The following WWC1 variants were observed in gnomAD, a reference collection of about 807,000 sequenced individuals.
The protein encoded by WWC1 is protein KIBRA.
WWC1 carries 55 observed loss-of-function variants against 138.4 expected under a neutral mutation model. The observed-to-expected ratio is 0.40, with a 90% confidence interval of 0.32 to 0.50. The LOEUF is 0.50. WWC1 is among the 20% of genes least tolerant of loss of function. The probability of loss-of-function intolerance (pLI) is 0.72; values close to 1 mark genes in which losing one functional copy is unlikely to be tolerated. For synonymous variants in WWC1, 524 were observed against 564.9 expected, an observed-to-expected ratio of 0.93 and a Z score of 1.03; for missense variants, 1,226 against 1,420.4, an observed-to-expected ratio of 0.86 and a Z score of 2.20.
intron 13 of WWC1, among the ~76,000 whole-genome samples, chr5:168,429,763 A>G (rs1319866899): frequency 1.3e-5 from 2 of 151,732 alleles, no homozygotes; most frequent in Non-Finnish European, 2.9e-5. Context: ...ATGAAACCCC[A>G]TCTCTACTAA....
At chr5:168,354,535 A>C (rs1775245387) in intron 1 of WWC1, among the ~76,000 whole-genome samples, 1 of 152,126 alleles carries the variant, frequency 6.6e-6, no homozygotes, top group Non-Finnish European at 1.5e-5. Flanking sequence ...CTTTTTGGGG[A>C]ACCTGGGATA....
At chr5:168,301,454 G>A (rs1166310938) in intron 1 of WWC1, among the ~76,000 whole-genome samples, 1 of 152,076 alleles carries the variant, frequency 6.6e-6, no homozygotes, top group East Asian at 1.9e-4. Flanking sequence ...TGGTCAACAT[G>A]GTGAAACACC....
At chr5:168,333,816 C>A (rs1773230675) in intron 1 of WWC1, among the ~76,000 whole-genome samples, 1 of 152,016 alleles carries the variant, frequency 6.6e-6, no homozygotes, top group South Asian at 2.1e-4. Flanking sequence ...CTTACCAGCC[C>A]CCTCCCACTC....
chr5:168,423,807 C>T lies in WWC1; in HGVS notation c.1549C>T (p.Arg517Cys), dbSNP rs755958353. 8.1e-6 allele frequency: 13 copies of T among 1,613,956 alleles called. No individual in the cohort carries two copies. The highest frequency in any genetic ancestry group is 3.3e-5 in the Admixed American group (2 of 59,990). Reference sequence around the variant, plus strand: ...GACCCAGAAGGCAGAGGGAGGTGGCCGCCTGCAGGCTCTGCGTTCCCTGTC... The same window carrying T: ...GACCCAGAAGGCAGAGGGAGGTGGCTGCCTGCAGGCTCTGCGTTCCCTGTC... ...AKTQKAEGGG[R>C]LQALRSLSGT... is the part of the protein sequence containing the mutation. Residue 517 changes from arginine (R) to cysteine (C), a missense_variant, in exon 11 of 23, where the codon CGC becomes TGC. Physicochemically the swap from Arg to Cys is radical, Grantham distance 180. Coordinates refer to ENST00000265293, the MANE Select transcript of WWC1 (RefSeq NM_015238.3).
At chr5:168,325,156 G>C (rs764818201) in intron 1 of WWC1, among the ~76,000 whole-genome samples, 1 of 152,188 alleles carries the variant, frequency 6.6e-6, no homozygotes, top group Admixed American at 6.5e-5. Context: ...TTGAGACCAC[G>C]TGTGTCCTCC....
At chr5:168,341,152 G>A (rs762778138) in intron 1 of WWC1, among the ~76,000 whole-genome samples, 37 of 152,128 alleles carry the variant, frequency 2.4e-4, no homozygotes, top group Non-Finnish European at 4.4e-4. Context: ...TGACAGCTGC[G>A]TTAAGGATTA....
intron 1 of WWC1, among the ~76,000 whole-genome samples, chr5:168,358,098 A>G (rs947404264): frequency 1.3e-5 from 2 of 152,128 alleles, no homozygotes; most frequent in African/African-American, 2.4e-5. Flanking sequence ...GGTTTTCCAG[A>G]CATGTCAGCT....
chr5:168,360,748 GC>G (rs1775822600), intron 1 of WWC1, among the ~76,000 whole-genome samples: 1 of 152,224 alleles, frequency 6.6e-6, no homozygotes. Context: ...CTTGGGAGGG[GC>G]CCCAAGTCAG....
Position 168,357,120 on chromosome 5 carries a change from G to A in WWC1, c.120-14304G>A, listed in dbSNP as rs767961113. On this transcript the variant is annotated intron_variant, in intron 1 of 22. Transcript: ENST00000265293. ...CTCTTTGTTGGGACAAGCAAAATTTGGAAAGTAGAGGGCCTAGCTGTGAAC... is the reference window on the plus strand; with the variant it reads ...CTCTTTGTTGGGACAAGCAAAATTTAGAAAGTAGAGGGCCTAGCTGTGAAC... Among the ~76,000 whole-genome samples the A allele has an allele frequency of 5.7e-4, 86 of 152,162 alleles. No individual in the cohort carries two copies. The Middle Eastern group carries it at 0.02, about 36-fold the overall frequency.
At chr5:168,339,041 C>G (rs1038262726) in intron 1 of WWC1, among the ~76,000 whole-genome samples, 1 of 152,194 alleles carries the variant, frequency 6.6e-6, no homozygotes, top group Non-Finnish European at 1.5e-5. Flanking sequence ...GATCTGATCA[C>G]TATACATTGT....
chr5:168,347,589 T>C (rs943528920), intron 1 of WWC1, among the ~76,000 whole-genome samples: 1 of 152,216 alleles, frequency 6.6e-6, no homozygotes, highest in Admixed American at 6.5e-5. Context: ...TTCTGTCAGC[T>C]CGTGGCCTCA....
In WWC1 at chr5:168,403,074, C is replaced by CTTTCTTTCTTTCT. The variant is rs1554104773; in HGVS notation, c.591-3117_591-3116insCTTTCTTTTCTTT. ...TCTTTCTTTCTTTCTTTCTTTCTTT[C>CTTTCTTTCTTTCT]TTTCTTTTCTTTCTTTTCTTTCTTT... On this transcript the variant is annotated intron_variant, in intron 5 of 22. Coordinates refer to ENST00000265293, the MANE Select transcript of WWC1 (RefSeq NM_015238.3). 5.3e-5 allele frequency among the ~76,000 whole-genome samples: 6 copies of CTTTCTTTCTTTCT among 113,534 alleles called. No individual in the cohort carries two copies. In the East Asian group the frequency reaches 1.2e-3, roughly 23 times the overall value. The allele number at this position is 113,534 out of a possible 152,430, so 74.5% of individuals were successfully genotyped here. A position where few individuals can be genotyped will look rare whatever the true frequency, so the allele number is the denominator to read the frequency against.
intron 6 of WWC1, among the ~76,000 whole-genome samples, chr5:168,408,218 G>A (rs766338566): frequency 1.1e-4 from 17 of 151,960 alleles, no homozygotes; most frequent in Non-Finnish European, 1.9e-4. Context: ...ATTCAGCTAG[G>A]TCAAGTCACA....
intron 17 of WWC1, among the ~76,000 whole-genome samples, chr5:168,452,433 A>G (rs1755915019): frequency 6.6e-6 from 1 of 152,172 alleles, no homozygotes; most frequent in Non-Finnish European, 1.5e-5. Context: ...CACAGACACC[A>G]GGGATGCGCA....
chr5:168,466,239 G>A (rs1190972220), intron 21 of WWC1, among the ~76,000 whole-genome samples: 1 of 152,132 alleles, frequency 6.6e-6, no homozygotes, highest in Non-Finnish European at 1.5e-5. Context: ...AGGCTTTTAA[G>A]CCAACAGGTC....
intron 2 of WWC1, among the ~76,000 whole-genome samples, chr5:168,382,362 T>G (rs1398529427): frequency 6.6e-6 from 1 of 152,252 alleles, no homozygotes; most frequent in African/African-American, 2.4e-5. Flanking sequence ...AACAGTTACC[T>G]CTGGGCAATG....
chr5:168,437,661 G>T (rs532145686), intron 15 of WWC1, among the ~76,000 whole-genome samples: 3 of 152,132 alleles, frequency 2.0e-5, no homozygotes, highest in Admixed American at 1.3e-4. Flanking sequence ...GAATGAATAC[G>T]TAAATGCCCT....
intron 5 of WWC1, among the ~76,000 whole-genome samples, chr5:168,404,746 CCT>C (rs1269520112): frequency 2.2e-4 from 33 of 152,262 alleles, no homozygotes; most frequent in African/African-American, 7.7e-4. Context: ...AAACCTCAGG[CCT>C]AGCCTTTGGC....
chr5:168,310,036 C>T (rs1158356055), intron 1 of WWC1, among the ~76,000 whole-genome samples: 1 of 152,256 alleles, frequency 6.6e-6, no homozygotes, highest in Non-Finnish European at 1.5e-5. Context: ...CCTCCCCCTT[C>T]CCTGTCCCCT....
Sources: allele counts gnomAD v4.1 joint callset (sites outside exome capture counted in the v4.1 genomes callset), GRCh38; gene constraint gnomAD v4.1.1; transcripts MANE v1.5; gene names NCBI Gene and HGNC (gene_info 2026-07-23, HGNC 2026-07-21).